The following KIRREL3 variants were observed in gnomAD, a reference collection of about 807,000 sequenced individuals.
KIRREL3 encodes kirre like nephrin family adhesion molecule 3.
In KIRREL3, 36 loss-of-function variants were observed where a neutral mutation model predicts 89.7. The ratio of observed to expected loss-of-function variants is 0.40; its 90% confidence interval spans 0.31 to 0.53. KIRREL3 has a LOEUF of 0.53. Ranked by LOEUF, KIRREL3 falls within the 20% of genes least tolerant of loss-of-function variation. KIRREL3 has a pLI of 0.49. For synonymous variants in KIRREL3, 445 were observed against 441.4 expected (o/e 1.01, Z -0.10); for missense variants, 864 against 1,056.6 (o/e 0.82, Z 2.53).
rs1940179404 is a variant in KIRREL3 at position 126,562,218 on chromosome 11, C to T, written c.133+617G>A. On this transcript the variant is annotated intron_variant, in intron 2 of 16. Coordinates refer to ENST00000525144, the MANE Select transcript of KIRREL3 (RefSeq NM_032531.4). This position sits in a 1 kb window ranked among gnomAD's most constrained non-coding sequence, Gnocchi z 4.7. ...CAGCAGACCCGTAAGTGACAGCACTCCTCCTCCCAGCCTCTATGCCAATGT... is the reference window on the plus strand; with the variant it reads ...CAGCAGACCCGTAAGTGACAGCACTTCTCCTCCCAGCCTCTATGCCAATGT... Among the ~76,000 whole-genome samples, 1 of 152,128 alleles carries T rather than the reference C, an allele frequency of 6.6e-6. No individual in the cohort carries two copies.
intron 1 of KIRREL3, among the ~76,000 whole-genome samples, chr11:126,982,415 C>A (rs572867280): frequency 6.6e-6 from 1 of 152,202 alleles, no homozygotes; most frequent in Non-Finnish European, 1.5e-5. Context: ...TGGGAAGACA[C>A]TGGGGAGGGG....
rs527581665 is a variant in KIRREL3, at chr11:126,652,574, C to T, written c.56-89662G>A. Reference sequence around the variant, plus strand: ...TCAGGCCATTTGCCAAAGTCCTCCACTCAATCTATAGGTAGCGGGGCTGGG... The same window carrying T: ...TCAGGCCATTTGCCAAAGTCCTCCATTCAATCTATAGGTAGCGGGGCTGGG... On this transcript the variant is annotated intron_variant, in intron 1 of 16. Coordinates refer to ENST00000525144, the MANE Select transcript of KIRREL3 (RefSeq NM_032531.4). This position sits in a 1 kb window ranked among gnomAD's most constrained non-coding sequence, Gnocchi z 4.9. Among the ~76,000 whole-genome samples, 4 of 152,258 alleles carry T rather than the reference C, an allele frequency of 2.6e-5. No individual in the cohort carries two copies. The highest frequency in any genetic ancestry group is 2.1e-4 in the South Asian group (1 of 4,822).
chr11:126,739,052 T>C lies in KIRREL3; in HGVS notation c.56-176140A>G, dbSNP rs1948895986. Reference sequence around the variant, plus strand: ...AGGCGGGTATATATGATACAAACGGTACAAATGAAGAAACTGGCTTTCAGA... The same window carrying C: ...AGGCGGGTATATATGATACAAACGGCACAAATGAAGAAACTGGCTTTCAGA... On this transcript the variant is annotated intron_variant, in intron 1 of 16. Transcript: ENST00000525144. The surrounding 1 kb of genome is among the most constrained non-coding windows in gnomAD (Gnocchi z 5.5). Among the ~76,000 whole-genome samples the C allele has an allele frequency of 2.0e-5, 3 of 152,162 alleles. No individual in the cohort carries two copies. The highest frequency in any genetic ancestry group is 1.3e-4 in the Admixed American group (2 of 15,280).
At chr11:126,662,469 G>A (rs771181028) in intron 1 of KIRREL3, among the ~76,000 whole-genome samples, 9 of 152,302 alleles carry the variant, frequency 5.9e-5, no homozygotes, top group East Asian at 3.9e-4. Flanking sequence ...TCTAGAGGCC[G>A]GGAAGTGCAA....
chr11:126,510,034 G>GA (rs1296508304), intron 4 of KIRREL3, among the ~76,000 whole-genome samples: 2 of 113,622 alleles, frequency 1.8e-5, no homozygotes, highest in African/African-American at 3.3e-5. Context: ...AAGAAAAAAA[G>GA]AAAAAAAAGA....
chr11:126,547,634 A>G (rs1249336023), intron 2 of KIRREL3, among the ~76,000 whole-genome samples: 1 of 152,020 alleles, frequency 6.6e-6, no homozygotes, highest in African/African-American at 2.4e-5. Flanking sequence ...AATTCACTCA[A>G]TATTAGGCAC....
chr11:126,753,302 T>C (rs1434659531), intron 1 of KIRREL3, among the ~76,000 whole-genome samples: 1 of 152,114 alleles, frequency 6.6e-6, no homozygotes, highest in Non-Finnish European at 1.5e-5. Context: ...CATGGCTTCC[T>C]CTCCAATCCA....
intron 1 of KIRREL3, among the ~76,000 whole-genome samples, chr11:126,743,174 C>CA (rs901006680): frequency 9.2e-5 from 14 of 151,862 alleles, no homozygotes; most frequent in East Asian, 1.9e-4. Flanking sequence ...AACAAACAAA[C>CA]AAAAAAAACA....
intron 4 of KIRREL3, among the ~76,000 whole-genome samples, chr11:126,479,376 C>T (rs1957163430): frequency 6.6e-6 from 1 of 152,206 alleles, no homozygotes; most frequent in Non-Finnish European, 1.5e-5. Flanking sequence ...GCTATGATAG[C>T]TGAGTGAAGC....
intron 1 of KIRREL3, among the ~76,000 whole-genome samples, chr11:126,820,896 G>C (rs889088928): frequency 6.6e-6 from 1 of 152,106 alleles, no homozygotes; most frequent in Non-Finnish European, 1.5e-5. Flanking sequence ...TTGAGTTTTC[G>C]TGAGGACTAA....
chr11:126,668,572 T>C lies in KIRREL3; in HGVS notation c.56-105660A>G, dbSNP rs1244187186. ...CCGGAATGATGGCCTTTCTTCCTGT[T>C]CTTCCTCGTTAGTTTCTTCCCACTT... On this transcript the variant is annotated intron_variant, in intron 1 of 16. Transcript: ENST00000525144. The surrounding 1 kb of genome is among the most constrained non-coding windows in gnomAD (Gnocchi z 4.4). Among the ~76,000 whole-genome samples the C allele has an allele frequency of 6.6e-6, 1 of 152,082 alleles. No individual in the cohort carries two copies. Among genetic ancestry groups the C allele is most frequent in the East Asian group, 1.9e-4 (1 of 5,188 alleles).
intron 1 of KIRREL3, among the ~76,000 whole-genome samples, chr11:126,947,576 A>G (rs559349537): frequency 1.3e-5 from 2 of 152,324 alleles, no homozygotes; most frequent in South Asian, 2.1e-4. Context: ...AACTGAGTTG[A>G]GTTTTATGTG....
At chr11:126,982,148 G>A (rs1949739678) in intron 1 of KIRREL3, among the ~76,000 whole-genome samples, 1 of 152,152 alleles carries the variant, frequency 6.6e-6, no homozygotes, top group South Asian at 2.1e-4. Flanking sequence ...CCTGGACACA[G>A]GTTCCTCAAG....
Position 126,996,886 on chromosome 11 carries a change from CACA to C in KIRREL3, c.55+3566_55+3568del, listed in dbSNP as rs2135295681. On this transcript the variant is annotated intron_variant, in intron 1 of 16. Coordinates refer to ENST00000525144, the MANE Select transcript of KIRREL3 (RefSeq NM_032531.4). The surrounding 1 kb of genome is among the most constrained non-coding windows in gnomAD (Gnocchi z 4.7). Reference sequence around the variant, plus strand: ...ATTAGAACCTTCACAACCACAGAATCACAAGGCAGGACAGGACGCTCTAGGAAT... The same window carrying C: ...ATTAGAACCTTCACAACCACAGAATCAGGCAGGACAGGACGCTCTAGGAAT... 6.6e-6 allele frequency among the ~76,000 whole-genome samples: 1 copy of C among 152,330 alleles called. No homozygotes were observed. Among genetic ancestry groups the C allele is most frequent in the Non-Finnish European group, 1.5e-5 (1 of 68,030 alleles).
Position 126,655,904 on chromosome 11 carries a change from T to C in KIRREL3, c.56-92992A>G, listed in dbSNP as rs539072094. Among the ~76,000 whole-genome samples, 34 of 152,004 alleles carry C rather than the reference T, an allele frequency of 2.2e-4. No homozygotes were observed. The South Asian group carries it at 2.9e-3, about 13-fold the overall frequency. On this transcript the variant is annotated intron_variant, in intron 1 of 16. Coordinates refer to ENST00000525144, the MANE Select transcript of KIRREL3 (RefSeq NM_032531.4). The surrounding 1 kb of genome is among the most constrained non-coding windows in gnomAD (Gnocchi z 5.0). ...GTGACTTTCTCTTATTTTTTGTTCC[T>C]GACACTGTTTGCACTGACTAAGATA...
At chr11:126,959,061 G>A (rs1335318392) in intron 1 of KIRREL3, among the ~76,000 whole-genome samples, 2 of 152,108 alleles carry the variant, frequency 1.3e-5, no homozygotes, top group Non-Finnish European at 2.9e-5. Flanking sequence ...TCTCTCCCCT[G>A]AATAAGAGGG....
At chr11:126,712,083 G>T (rs1307532745) in intron 1 of KIRREL3, among the ~76,000 whole-genome samples, 1 of 152,222 alleles carries the variant, frequency 6.6e-6, no homozygotes, top group Non-Finnish European at 1.5e-5. Flanking sequence ...CTTCCGACAT[G>T]AAAGATGCCA....
chr11:126,794,635 G>C (rs1950746808), intron 1 of KIRREL3, among the ~76,000 whole-genome samples: 1 of 152,156 alleles, frequency 6.6e-6, no homozygotes, highest in African/African-American at 2.4e-5. Context: ...GAAACAACAG[G>C]AACATCCCTG....
rs553105412 is a variant in KIRREL3 at position 126,558,975 on chromosome 11, C to A, written c.133+3860G>T. ...TGTGTTGGAGATGTGGCTGAGGAAC[C>A]AGTGAGAGTAAACTGGATCTACTTA... On this transcript the variant is annotated intron_variant, in intron 2 of 16. Transcript: ENST00000525144. This position sits in a 1 kb window ranked among gnomAD's most constrained non-coding sequence, Gnocchi z 4.0. Among the ~76,000 whole-genome samples the A allele has an allele frequency of 1.3e-5, 2 of 152,180 alleles. No individual in the cohort carries two copies. The highest frequency in any genetic ancestry group is 3.9e-4 in the East Asian group (2 of 5,174).
Sources: gnomAD v4.1 joint callset for allele counts (sites outside exome capture counted in the v4.1 genomes callset) on GRCh38, gnomAD v4.1.1 for gene constraint, Gnocchi (gnomAD v3.1) non-coding constraint, MANE v1.5 for transcripts, NCBI Gene and HGNC (gene_info 2026-07-23, HGNC 2026-07-21) for gene names.